MARCHF1: variants seen among roughly 807,000 people sequenced by gnomAD.
The protein encoded by MARCHF1 is E3 ubiquitin-protein ligase MARCHF1.
Under a neutral mutation model 54.2 loss-of-function variants are expected in MARCHF1, and 40 were observed. That is an observed-to-expected ratio of 0.74 (90% CI 0.57 to 0.96). The LOEUF is 0.96. Ranked by LOEUF, MARCHF1 falls within the 40% of genes least tolerant of loss-of-function variation. MARCHF1 has a pLI of 0.00. For missense variants in MARCHF1, 586 were observed against 656.5 expected (o/e 0.89, Z 1.17); for synonymous variants, 236 against 236.3 (o/e 1.00, Z 0.01).
chr4:164,362,485 C>T lies in MARCHF1; in HGVS notation c.-323+21385G>A, dbSNP rs190248184. Among the ~76,000 whole-genome samples the T allele has an allele frequency of 4.6e-5, 7 of 152,144 alleles. No homozygotes were observed. The East Asian group carries it at 1.4e-3, about 29-fold the overall frequency. On this transcript the variant is annotated intron_variant, in intron 1 of 9. Transcript: ENST00000514618. ...GGAGCTAGAGGAAGCTCTGCCTCCA[C>T]CAGGGGCCTTGTACCCACATTTATT...
At chr4:164,220,163 A>G (rs1441699873) in intron 1 of MARCHF1, among the ~76,000 whole-genome samples, 3 of 151,282 alleles carry the variant, frequency 2.0e-5, no homozygotes, top group Non-Finnish European at 4.4e-5. Flanking sequence ...TAGCTATCAT[A>G]TTTGTGTGAG....
intron 3 of MARCHF1, among the ~76,000 whole-genome samples, chr4:163,881,610 T>C (rs953422447): frequency 2.0e-5 from 3 of 152,004 alleles, no homozygotes; most frequent in Non-Finnish European, 1.5e-5. Context: ...TAATTGAATG[T>C]ATAATAGTGG....
At chr4:163,958,839 C>T (rs965101942) in intron 3 of MARCHF1, among the ~76,000 whole-genome samples, 1 of 151,634 alleles carries the variant, frequency 6.6e-6, no homozygotes, top group African/African-American at 2.4e-5. Flanking sequence ...TTTATTTTGA[C>T]CAATAGAAAA....
intron 3 of MARCHF1, among the ~76,000 whole-genome samples, chr4:163,900,232 C>T (rs759990171): frequency 6.6e-6 from 1 of 152,058 alleles, no homozygotes; most frequent in African/African-American, 2.4e-5. Context: ...TCTCAATACA[C>T]ATTTGTGAAT....
chr4:163,681,909 T>G (rs1744117877), intron 5 of MARCHF1, among the ~76,000 whole-genome samples: 2 of 152,194 alleles, frequency 1.3e-5, no homozygotes, highest in Admixed American at 1.3e-4. Context: ...TGGAATAGTT[T>G]GAAGGACTCA....
At chr4:164,216,869 T>G (rs907822244) in intron 1 of MARCHF1, among the ~76,000 whole-genome samples, 1 of 152,200 alleles carries the variant, frequency 6.6e-6, no homozygotes, top group Non-Finnish European at 1.5e-5. Flanking sequence ...CAAAGGTCAA[T>G]ATGTACTATA....
At chr4:164,025,070 A>G (rs1183743771) in intron 2 of MARCHF1, among the ~76,000 whole-genome samples, 1 of 149,826 alleles carries the variant, frequency 6.7e-6, no homozygotes, top group Non-Finnish European at 1.5e-5. Flanking sequence ...TGGAGCACCC[A>G]GATTAAAAAC....
intron 4 of MARCHF1, among the ~76,000 whole-genome samples, chr4:163,742,431 CTT>C (rs869246804): frequency 3.1e-4 from 42 of 133,396 alleles, no homozygotes; most frequent in African/African-American, 1.1e-3. Context: ...TCCTTCCTTC[CTT>C]TTCTTTCTTT....
At chr4:164,333,876 C>G (rs946102080) in intron 1 of MARCHF1, among the ~76,000 whole-genome samples, 1 of 152,210 alleles carries the variant, frequency 6.6e-6, no homozygotes, top group Non-Finnish European at 1.5e-5. Context: ...AGTGCTACTC[C>G]AGTGAACACA....
chr4:163,856,380 T>G (rs1000290108), intron 3 of MARCHF1, among the ~76,000 whole-genome samples: 4 of 152,180 alleles, frequency 2.6e-5, no homozygotes, highest in African/African-American at 9.7e-5. Flanking sequence ...ACAGGCTATT[T>G]TAAGAAAGCA....
chr4:164,220,579 C>CATGAT (rs1732070451), intron 1 of MARCHF1, among the ~76,000 whole-genome samples: 2 of 127,806 alleles, frequency 1.6e-5, no homozygotes, highest in African/African-American at 5.9e-5. Flanking sequence ...ATATGTAATA[C>CATGAT]ATATGATATA....
chr4:164,313,929 T>C (rs1324631696), intron 1 of MARCHF1, among the ~76,000 whole-genome samples: 1 of 152,204 alleles, frequency 6.6e-6, no homozygotes, highest in African/African-American at 2.4e-5. Context: ...CTTCATTATC[T>C]GCCTAAAAGA....
intron 1 of MARCHF1, among the ~76,000 whole-genome samples, chr4:164,119,673 G>A (rs1402666443): frequency 4.0e-5 from 6 of 151,704 alleles, no homozygotes; most frequent in South Asian, 2.1e-4. Flanking sequence ...CTTTTGAATA[G>A]TTGAAACTAA....
chr4:163,929,666 T>G (rs1204970983), intron 3 of MARCHF1, among the ~76,000 whole-genome samples: 3 of 151,446 alleles, frequency 2.0e-5, no homozygotes, highest in Non-Finnish European at 4.4e-5. Context: ...GTAAATTGTA[T>G]GACAGTATCA....
At chr4:163,546,922 GTTT>G (rs978506957) in intron 8 of MARCHF1, among the ~76,000 whole-genome samples, 3 of 152,140 alleles carry the variant, frequency 2.0e-5, no homozygotes, top group African/African-American at 7.2e-5. Flanking sequence ...TAGGAATTGT[GTTT>G]TTATTTTTCT....
chr4:163,951,454 C>T (rs1008399255), intron 3 of MARCHF1, among the ~76,000 whole-genome samples: 3 of 152,050 alleles, frequency 2.0e-5, no homozygotes, highest in Non-Finnish European at 4.4e-5. Context: ...CAGGCAAAAC[C>T]AAAACCAAAG....
At chr4:164,260,201 T>C (rs186366370) in intron 1 of MARCHF1, among the ~76,000 whole-genome samples, 1 of 152,322 alleles carries the variant, frequency 6.6e-6, no homozygotes, top group Non-Finnish European at 1.5e-5. Flanking sequence ...TCATAGGTGC[T>C]GTAAACACAT....
intron 5 of MARCHF1, among the ~76,000 whole-genome samples, chr4:163,682,478 G>T (rs1035575284): frequency 6.6e-6 from 1 of 152,192 alleles, no homozygotes; most frequent in Admixed American, 6.5e-5. Context: ...GGGAGAAATG[G>T]TTTAGTGCCG....
At chr4:163,929,918 A>C (rs1751618564) in intron 3 of MARCHF1, among the ~76,000 whole-genome samples, 1 of 107,560 alleles carries the variant, frequency 9.3e-6, no homozygotes, top group South Asian at 2.7e-4. Flanking sequence ...AAATATATAT[A>C]ATATATATAA....
Sources: gnomAD v4.1 joint callset for allele counts (sites outside exome capture counted in the v4.1 genomes callset) on GRCh38, gnomAD v4.1.1 for gene constraint, MANE v1.5 for transcripts, NCBI Gene and HGNC (gene_info 2026-07-23, HGNC 2026-07-21) for gene names.